AGBL4: variants seen among roughly 807,000 people sequenced by gnomAD.
AGBL4 encodes the protein cytosolic carboxypeptidase 6.
In AGBL4, 58 loss-of-function variants were observed where a neutral mutation model predicts 66.4. The observed-to-expected ratio is 0.87, with a 90% CI of 0.71 to 1.09. The LOEUF (loss-of-function observed/expected upper bound fraction) is 1.09. AGBL4 is among the 50% of genes least tolerant of loss of function. AGBL4 has a pLI of 0.00. For missense variants in AGBL4, 579 were observed against 631.0 expected, an observed-to-expected ratio of 0.92 and a Z score of 0.88; for synonymous variants, 234 against 222.9, an observed-to-expected ratio of 1.05 and a Z score of -0.44.
chr1:49,288,966 T>C (rs1425192970), intron 3 of AGBL4, among the ~76,000 whole-genome samples: 1 of 151,392 alleles, frequency 6.6e-6, no homozygotes, highest in Non-Finnish European at 1.5e-5. Context: ...ATCAACTAAA[T>C]TTACAGACAT....
At chr1:48,747,242 A>AT (rs1218643090) in intron 6 of AGBL4, among the ~76,000 whole-genome samples, 2 of 151,888 alleles carry the variant, frequency 1.3e-5, no homozygotes, top group South Asian at 2.1e-4. Context: ...AAGAGTAGGA[A>AT]TTTTTTTTTA....
At chr1:49,266,523 T>C (rs936719291) in intron 3 of AGBL4, among the ~76,000 whole-genome samples, 2 of 152,146 alleles carry the variant, frequency 1.3e-5, no homozygotes, top group South Asian at 2.1e-4. Flanking sequence ...TAAACAGTTA[T>C]GGGTTTCCTA....
intron 5 of AGBL4, among the ~76,000 whole-genome samples, chr1:48,890,735 G>C (rs111892799): frequency 6.6e-6 from 1 of 152,170 alleles, no homozygotes; most frequent in African/African-American, 2.4e-5. Context: ...TCTGTTACCC[G>C]TACTCTATTC....
At chr1:49,136,754 A>ACAG (rs1335345465) in intron 4 of AGBL4, among the ~76,000 whole-genome samples, 6 of 152,180 alleles carry the variant, frequency 3.9e-5, no homozygotes, top group African/African-American at 1.2e-4. Flanking sequence ...AAACATAAAT[A>ACAG]CAGAAGCTTT....
At chr1:48,845,261 T>C (rs1283972953) in intron 6 of AGBL4, among the ~76,000 whole-genome samples, 1 of 152,200 alleles carries the variant, frequency 6.6e-6, no homozygotes, top group South Asian at 2.1e-4. Flanking sequence ...GCCTCATAGC[T>C]TCCATGGCTC....
At chr1:49,994,969 G>A (rs1660253727) in intron 1 of AGBL4, 1 of 364,950 alleles carries the variant, frequency 2.7e-6, no homozygotes, top group East Asian at 7.3e-5. Flanking sequence ...AGGAAGCAGA[G>A]GAAAGAGCCC....
chr1:49,162,570 T>C (rs1646560328), intron 4 of AGBL4, among the ~76,000 whole-genome samples: 1 of 152,228 alleles, frequency 6.6e-6, no homozygotes, highest in Admixed American at 6.5e-5. Flanking sequence ...TGCCTTCAAG[T>C]TGATCTTTCA....
intron 6 of AGBL4, among the ~76,000 whole-genome samples, chr1:48,788,897 A>C (rs1263531352): frequency 6.6e-6 from 1 of 152,202 alleles, no homozygotes; most frequent in Non-Finnish European, 1.5e-5. Flanking sequence ...AATGAAACGC[A>C]TATTTTAGGA....
In AGBL4 at chr1:49,236,162, T is replaced by C. The variant is rs149319743; in HGVS notation, c.377+9608A>G. 3.7e-3 allele frequency among the ~76,000 whole-genome samples: 568 copies of C among 152,198 alleles called. 3 individuals are homozygous for C. The highest frequency in any genetic ancestry group is 0.013 in the African/African-American group (558 of 41,550). On this transcript the variant is annotated intron_variant, in intron 4 of 13. Coordinates refer to ENST00000371839, the MANE Select transcript of AGBL4 (RefSeq NM_032785.4). ...CTTCTGCCTCAGCTTCCTGAATAGC[T>C]GGGATTATAGGTGCCCACCACCATG...
chr1:48,748,830 G>A (rs1352546726), intron 6 of AGBL4, among the ~76,000 whole-genome samples: 1 of 152,076 alleles, frequency 6.6e-6, no homozygotes, highest in Non-Finnish European at 1.5e-5. Context: ...GTGAGGCCGG[G>A]GTTCTTCAGG....
intron 3 of AGBL4, among the ~76,000 whole-genome samples, chr1:49,529,340 G>A (rs1650913887): frequency 6.6e-6 from 1 of 152,084 alleles, no homozygotes; most frequent in African/African-American, 2.4e-5. Context: ...TTCAAAAGAT[G>A]ATACCCTGAA....
chr1:48,890,524 T>C (rs1235985688), intron 5 of AGBL4, among the ~76,000 whole-genome samples: 2 of 152,208 alleles, frequency 1.3e-5, no homozygotes, highest in African/African-American at 4.8e-5. Context: ...TTGTTTCCCC[T>C]AGGGGTTTCT....
At chr1:48,663,100 A>G in intron 7 of AGBL4, 52 bp downstream of exon 7, 1 of 1,549,454 alleles carries the variant, frequency 6.5e-7, no homozygotes. Context: ...AGATCATCAC[A>G]GTGTCCCAGT....
chr1:49,135,810 A>G (rs1489343890), intron 4 of AGBL4, among the ~76,000 whole-genome samples: 2 of 152,104 alleles, frequency 1.3e-5, no homozygotes, highest in Non-Finnish European at 2.9e-5. Context: ...CATTATGAAC[A>G]TGTTACAGTG....
chr1:49,302,581 TTATTTTATTTTA>T (rs1480745061), intron 3 of AGBL4, among the ~76,000 whole-genome samples: 2 of 146,528 alleles, frequency 1.4e-5, no homozygotes, highest in Non-Finnish European at 3.0e-5. Context: ...TTATTTTTAT[TTATTTTATTTTA>T]TATTTTATTT....
intron 3 of AGBL4, among the ~76,000 whole-genome samples, chr1:49,439,581 G>A (rs1012892128): frequency 5.3e-5 from 8 of 152,166 alleles, no homozygotes; most frequent in African/African-American, 1.2e-4. Context: ...GTCTGTGAGG[G>A]TGCTGCCAAA....
intron 6 of AGBL4, among the ~76,000 whole-genome samples, chr1:48,714,850 G>A (rs1647023959): frequency 6.6e-6 from 1 of 152,112 alleles, no homozygotes; most frequent in Admixed American, 6.5e-5. Context: ...ATTGCTGAAG[G>A]GACACTGAGA....
intron 1 of AGBL4, among the ~76,000 whole-genome samples, chr1:49,888,460 A>G (rs977768111): frequency 3.3e-5 from 5 of 152,206 alleles, no homozygotes; most frequent in African/African-American, 1.2e-4. Flanking sequence ...ATTCATATCC[A>G]ATAAAAAGCT....
chr1:49,000,747 C>T (rs1478452095), intron 5 of AGBL4, among the ~76,000 whole-genome samples: 1 of 152,102 alleles, frequency 6.6e-6, no homozygotes, highest in African/African-American at 2.4e-5. Flanking sequence ...GTGTTTATAA[C>T]CACTGCATAT....
Sources: gnomAD v4.1 joint callset for allele counts (sites outside exome capture counted in the v4.1 genomes callset) on GRCh38, gnomAD v4.1.1 for gene constraint, MANE v1.5 for transcripts, NCBI Gene and HGNC (gene_info 2026-07-23, HGNC 2026-07-21) for gene names.